Variants in NPAS3 observed in about 807,000 individuals in gnomAD.
NPAS3 encodes neuronal PAS domain-containing protein 3.
NPAS3 carries 14 observed loss-of-function variants against 73.1 expected under a neutral mutation model. The ratio of observed to expected loss-of-function variants is 0.19; its 90% CI spans 0.13 to 0.30. NPAS3 has a LOEUF of 0.30. Ranked by LOEUF, NPAS3 falls within the 10% of genes least tolerant of loss-of-function variation. The pLI is 1.00. For missense variants in NPAS3, 1,096 were observed against 1,250.0 expected, an observed-to-expected ratio of 0.88 and a Z score of 1.86; for synonymous variants, 620 against 541.5, an observed-to-expected ratio of 1.14 and a Z score of -2.01.
chr14:33,779,609 A>G (rs2062919695), intron 9 of NPAS3, among the ~76,000 whole-genome samples: 1 of 152,230 alleles, frequency 6.6e-6, no homozygotes, highest in Non-Finnish European at 1.5e-5. Flanking sequence ...GTGTTTAGAT[A>G]TACAAATACT....
chr14:33,500,860 C>G (rs556594996), intron 4 of NPAS3, among the ~76,000 whole-genome samples: 9 of 151,974 alleles, frequency 5.9e-5, no homozygotes, highest in South Asian at 2.1e-4. Flanking sequence ...GCCAGCAGTC[C>G]GTTGTAAGAG....
At chr14:33,601,551 C>T (rs1052250322) in intron 5 of NPAS3, among the ~76,000 whole-genome samples, 1 of 152,124 alleles carries the variant, frequency 6.6e-6, no homozygotes, top group African/African-American at 2.4e-5. Context: ...AATTTGATCT[C>T]ACAAATTTGA....
intron 3 of NPAS3, among the ~76,000 whole-genome samples, chr14:33,253,110 T>C (rs552615228): frequency 1.9e-4 from 29 of 152,194 alleles, no homozygotes; most frequent in Admixed American, 1.2e-3. Context: ...TCTTATATAA[T>C]GATGTATTAT....
At chr14:33,663,135 CCTTGT>C (rs2059357626) in intron 5 of NPAS3, among the ~76,000 whole-genome samples, 2 of 152,038 alleles carry the variant, frequency 1.3e-5, no homozygotes. Flanking sequence ...GAGAGGGCAT[CCTTGT>C]CTTGTGCCAG....
intron 2 of NPAS3, among the ~76,000 whole-genome samples, chr14:33,170,741 C>A (rs1257376755): frequency 6.6e-6 from 1 of 152,196 alleles, no homozygotes; most frequent in Non-Finnish European, 1.5e-5. Flanking sequence ...TAAGTGTGAT[C>A]GTGAGATTAC....
intron 2 of NPAS3, among the ~76,000 whole-genome samples, chr14:33,204,904 A>T (rs2046767035): frequency 6.6e-6 from 1 of 152,166 alleles, no homozygotes; most frequent in Middle Eastern, 3.4e-3. Flanking sequence ...GTGGCATTTG[A>T]TAGCACTATT....
At chr14:33,306,468 T>A (rs760422526) in intron 3 of NPAS3, among the ~76,000 whole-genome samples, 3 of 152,232 alleles carry the variant, frequency 2.0e-5, no homozygotes, top group Non-Finnish European at 2.9e-5. Flanking sequence ...AGTCTGCAGA[T>A]TCGGGCTTTA....
intron 3 of NPAS3, among the ~76,000 whole-genome samples, chr14:33,222,069 A>G (rs2139715634): frequency 6.6e-6 from 1 of 152,312 alleles, no homozygotes; most frequent in South Asian, 2.1e-4. Flanking sequence ...CAAAAAAGGC[A>G]TGATGTAATG....
chr14:33,260,311 C>G (rs2048927158), intron 3 of NPAS3, among the ~76,000 whole-genome samples: 1 of 151,824 alleles, frequency 6.6e-6, no homozygotes, highest in Non-Finnish European at 1.5e-5. Context: ...AAAAAGAAAG[C>G]CTCTCTCCCT....
At chr14:33,131,360 TC>T (rs1391436213) in intron 2 of NPAS3, among the ~76,000 whole-genome samples, 1 of 152,078 alleles carries the variant, frequency 6.6e-6, no homozygotes, top group Non-Finnish European at 1.5e-5. Flanking sequence ...TTTGATATTC[TC>T]CAAGTTCTCC....
At chr14:33,358,835 C>T (rs1594763799) in intron 3 of NPAS3, among the ~76,000 whole-genome samples, 1 of 152,182 alleles carries the variant, frequency 6.6e-6, no homozygotes, top group African/African-American at 2.4e-5. Flanking sequence ...TGGCTTATAT[C>T]CCTAGCACCT....
chr14:33,202,420 A>G (rs2139596641), intron 2 of NPAS3, among the ~76,000 whole-genome samples: 1 of 152,170 alleles, frequency 6.6e-6, no homozygotes, highest in African/African-American at 2.4e-5. Context: ...AAAAGAGAGA[A>G]ATGTTACCGA....
At chr14:32,958,516 T>TGTC (rs1407580560) in intron 1 of NPAS3, among the ~76,000 whole-genome samples, 14 of 152,234 alleles carry the variant, frequency 9.2e-5, no homozygotes, top group African/African-American at 4.8e-5. Context: ...TCCAGAGTTC[T>TGTC]GTCTGGGTTT....
At chr14:33,289,686 A>G (rs10129441) in intron 3 of NPAS3, among the ~76,000 whole-genome samples, 122,255 of 151,894 alleles carry the variant, frequency 0.8, 49,767 homozygotes, top group African/African-American at 0.93. Context: ...GCCGGGCATG[A>G]TGGGGCATGA....
intron 5 of NPAS3, among the ~76,000 whole-genome samples, chr14:33,667,624 A>C (rs2140300781): frequency 6.6e-6 from 1 of 152,334 alleles, no homozygotes. Context: ...GCTTTCATAG[A>C]AGATAACCTC....
intron 4 of NPAS3, among the ~76,000 whole-genome samples, chr14:33,556,459 G>T (rs189880959): frequency 6.6e-6 from 1 of 152,274 alleles, no homozygotes; most frequent in African/African-American, 2.4e-5. Context: ...AGTCATTATG[G>T]TATTTGTGAT....
At chr14:33,289,560 C>A (rs1233210196) in intron 3 of NPAS3, among the ~76,000 whole-genome samples, 1 of 152,114 alleles carries the variant, frequency 6.6e-6, no homozygotes, top group Non-Finnish European at 1.5e-5. Context: ...GCGGCTCATG[C>A]CTGTAATCCC....
intron 3 of NPAS3, among the ~76,000 whole-genome samples, chr14:33,320,300 A>G (rs988366756): frequency 6.6e-6 from 1 of 152,126 alleles, no homozygotes; most frequent in Non-Finnish European, 1.5e-5. Flanking sequence ...TCTATTCAGT[A>G]ATCAGTGAAG....
chr14:33,536,508 T>A (rs1456051679), intron 4 of NPAS3, among the ~76,000 whole-genome samples: 1 of 152,138 alleles, frequency 6.6e-6, no homozygotes, highest in African/African-American at 2.4e-5. Context: ...GAGTCAGAAC[T>A]AATACGAAGA....
Sources: allele counts gnomAD v4.1 joint callset (sites outside exome capture counted in the v4.1 genomes callset), GRCh38; gene constraint gnomAD v4.1.1; transcripts MANE v1.5; gene names NCBI Gene and HGNC (gene_info 2026-07-23, HGNC 2026-07-21).